Variants in GALNT18 observed in about 807,000 individuals in gnomAD.
GALNT18 encodes the protein polypeptide N-acetylgalactosaminyltransferase 18.
GALNT18 carries 44 observed loss-of-function variants against 69.5 expected under a neutral mutation model. The observed-to-expected ratio is 0.63, with a 90% confidence interval of 0.50 to 0.81. GALNT18 has a LOEUF of 0.81. Among genes scored for constraint, GALNT18 ranks in the 40% least tolerant of loss-of-function variants. The pLI is 0.00. For synonymous variants in GALNT18, 364 were observed against 318.2 expected, an observed-to-expected ratio of 1.14 and a Z score of -1.53; for missense variants, 715 against 810.0, an observed-to-expected ratio of 0.88 and a Z score of 1.42.
rs1590109792 is a variant in GALNT18, at chr11:11,573,229, T to A, written c.235+48130A>T. ...GGCCTTGACTCATACTTGACATGGA[T>A]GTCCCAGAGATTCCCTACACACAGC... On this transcript the variant is annotated intron_variant, in intron 1 of 10. Coordinates refer to ENST00000227756, the MANE Select transcript of GALNT18 (RefSeq NM_198516.3). This position sits in a 1 kb window ranked among gnomAD's most constrained non-coding sequence, Gnocchi z 4.6. 6.6e-6 allele frequency among the ~76,000 whole-genome samples: 1 copy of A among 152,262 alleles called. No individual in the cohort carries two copies. The highest frequency in any genetic ancestry group is 2.1e-4 in the South Asian group (1 of 4,818).
At chr11:11,594,978 CAT>C (rs1491489362) in intron 1 of GALNT18, among the ~76,000 whole-genome samples, 6 of 120,376 alleles carry the variant, frequency 5.0e-5, no homozygotes, top group South Asian at 2.8e-4. Flanking sequence ...ACAAAATATA[CAT>C]ATGTGTGTGT....
At chr11:11,446,292 A>C (rs1353013601) in intron 2 of GALNT18, among the ~76,000 whole-genome samples, 1 of 152,212 alleles carries the variant, frequency 6.6e-6, no homozygotes, top group Non-Finnish European at 1.5e-5. Flanking sequence ...TTGTTGTTAT[A>C]ACCAGGTTAT....
chr11:11,274,172 C>T (rs538672065), intron 10 of GALNT18, among the ~76,000 whole-genome samples: 58 of 152,314 alleles, frequency 3.8e-4, no homozygotes, highest in Non-Finnish European at 6.6e-4. Context: ...GTGCTTTTCC[C>T]ACGGTCTTTG....
chr11:11,486,862 T>C (rs1856656564), intron 1 of GALNT18, among the ~76,000 whole-genome samples: 1 of 152,108 alleles, frequency 6.6e-6, no homozygotes, highest in Non-Finnish European at 1.5e-5. Context: ...AAAGCCCAAA[T>C]GTAAAGGGAG....
In GALNT18 at chr11:11,480,215, T is replaced by C. The variant is rs1276786536; in HGVS notation, c.236-31279A>G. ...CCACAAAATAAACTAAAAGAAGGGGTCAATCTTTCTTTATTTCTTTCTTTC... is the reference window on the plus strand; with the variant it reads ...CCACAAAATAAACTAAAAGAAGGGGCCAATCTTTCTTTATTTCTTTCTTTC... On this transcript the variant is annotated intron_variant, in intron 1 of 10. Coordinates refer to ENST00000227756, the MANE Select transcript of GALNT18 (RefSeq NM_198516.3). This position sits in a 1 kb window ranked among gnomAD's most constrained non-coding sequence, Gnocchi z 4.6. Among the ~76,000 whole-genome samples, 2 of 151,084 alleles carry C rather than the reference T, an allele frequency of 1.3e-5. No individual in the cohort carries two copies. Among genetic ancestry groups the C allele is most frequent in the Non-Finnish European group, 2.9e-5 (2 of 67,810 alleles).
At chr11:11,418,257 C>T (rs1854912408) in intron 3 of GALNT18, among the ~76,000 whole-genome samples, 1 of 152,180 alleles carries the variant, frequency 6.6e-6, no homozygotes, top group Non-Finnish European at 1.5e-5. Context: ...AAGAAGTTGT[C>T]TCTATTTAGG....
rs1051006971 is a variant in GALNT18 at position 11,318,824 on chromosome 11, G to A, written c.1512+8262C>T. ...TTTAATATTATCCTGGGACATTAAC[G>A]GGCCCATCCAAGAGTATGTAATTTT... On this transcript the variant is annotated intron_variant, in intron 9 of 10. Coordinates refer to ENST00000227756, the MANE Select transcript of GALNT18 (RefSeq NM_198516.3). This position sits in a 1 kb window ranked among gnomAD's most constrained non-coding sequence, Gnocchi z 5.1. 8.5e-5 allele frequency among the ~76,000 whole-genome samples: 13 copies of A among 152,130 alleles called. No individual in the cohort carries two copies. Among genetic ancestry groups the A allele is most frequent in the African/African-American group, 2.9e-4 (12 of 41,432 alleles).
chr11:11,585,419 G>A (rs1859190752), intron 1 of GALNT18, among the ~76,000 whole-genome samples: 1 of 149,026 alleles, frequency 6.7e-6, no homozygotes, highest in Non-Finnish European at 1.5e-5. Flanking sequence ...ACAATGGCGT[G>A]ATCTTGGCTC....
chr11:11,544,849 G>C (rs1858010867), intron 1 of GALNT18, among the ~76,000 whole-genome samples: 1 of 152,172 alleles, frequency 6.6e-6, no homozygotes, highest in Admixed American at 6.5e-5. Context: ...CTATTACTTT[G>C]CTCAGATGAG....
At position 11,377,663 on chromosome 11, in the gene GALNT18, T is replaced by G. The variant is rs1853801790; in HGVS notation, c.780-284A>C. Among the ~76,000 whole-genome samples, 1 of 80,176 alleles carries G rather than the reference T, an allele frequency of 1.2e-5. No homozygotes were observed. The highest frequency in any genetic ancestry group is 3.0e-5 in the Non-Finnish European group (1 of 33,214). The allele number at this position is 80,176 out of a possible 152,430, so 52.6% of individuals were successfully genotyped here. A position where few individuals can be genotyped will look rare whatever the true frequency, so the allele number is the denominator to read the frequency against. On this transcript the variant is annotated intron_variant, in intron 4 of 10. Transcript: ENST00000227756. The surrounding 1 kb of genome is among the most constrained non-coding windows in gnomAD (Gnocchi z 4.6). ...CTTGTGCCTGCTCGCTTTCCCTTTCTCCATTAGAAAAAAAAAAAATCAAGA... is the reference window on the plus strand; with the variant it reads ...CTTGTGCCTGCTCGCTTTCCCTTTCGCCATTAGAAAAAAAAAAAATCAAGA...
rs1480614064 is a variant in GALNT18, at chr11:11,463,223, C to T, written c.236-14287G>A. ...ACAGACAGACAGACACACACACACA[C>T]ACAGAGAGAGAGAGAGAGAGTTCCA... is the stretch of plus-strand genomic sequence containing the variant. On this transcript the variant is annotated intron_variant, in intron 1 of 10. Transcript: ENST00000227756. The surrounding 1 kb of genome is among the most constrained non-coding windows in gnomAD (Gnocchi z 4.2). 6.6e-6 allele frequency among the ~76,000 whole-genome samples: 1 copy of T among 151,006 alleles called. No homozygotes were observed. Among genetic ancestry groups the T allele is most frequent in the Non-Finnish European group, 1.5e-5 (1 of 67,696 alleles).
At chr11:11,609,261 C>T (rs932265615) in intron 1 of GALNT18, among the ~76,000 whole-genome samples, 4 of 152,182 alleles carry the variant, frequency 2.6e-5, no homozygotes, top group African/African-American at 9.7e-5. Flanking sequence ...CCAACCCGCC[C>T]CTCTCTGGCT....
chr11:11,362,466 A>T (rs1589938452), intron 6 of GALNT18, among the ~76,000 whole-genome samples: 1 of 152,312 alleles, frequency 6.6e-6, no homozygotes, highest in East Asian at 1.9e-4. Flanking sequence ...ACCATCTCTA[A>T]TGTGTAAAGA....
chr11:11,396,863 C>G lies in GALNT18; in HGVS notation c.596-17599G>C, dbSNP rs968130984. On this transcript the variant is annotated intron_variant, in intron 3 of 10. Coordinates refer to ENST00000227756, the MANE Select transcript of GALNT18 (RefSeq NM_198516.3). This position sits in a 1 kb window ranked among gnomAD's most constrained non-coding sequence, Gnocchi z 5.2. ...GGCTGCCAAAGGAAAGGCTTTCATT[C>G]CAGTCAAAGCAGGGTGCTGGACAAC... is the stretch of plus-strand genomic sequence containing the variant. 6.6e-6 allele frequency among the ~76,000 whole-genome samples: 1 copy of G among 152,082 alleles called. No individual in the cohort carries two copies. The highest frequency in any genetic ancestry group is 2.4e-5 in the African/African-American group (1 of 41,398).
rs1398964042 is a variant in GALNT18 at position 11,377,628 on chromosome 11, T to C, written c.780-249A>G. 6.6e-6 allele frequency among the ~76,000 whole-genome samples: 1 copy of C among 150,922 alleles called. No individual in the cohort carries two copies. Among genetic ancestry groups the C allele is most frequent in the African/African-American group, 2.4e-5 (1 of 40,904 alleles). ...CAGAGCTGAGCTGAGAGATTCTTAT[T>C]CCAGCCAACCTTGTGCCTGCTCGCT... On this transcript the variant is annotated intron_variant, in intron 4 of 10. Transcript: ENST00000227756. This position sits in a 1 kb window ranked among gnomAD's most constrained non-coding sequence, Gnocchi z 4.6.
chr11:11,283,478 C>G (rs887920776), intron 10 of GALNT18, among the ~76,000 whole-genome samples: 3 of 149,978 alleles, frequency 2.0e-5, no homozygotes, highest in Non-Finnish European at 2.9e-5. Flanking sequence ...CAGAATCTGA[C>G]TGACAGGCTA....
intron 1 of GALNT18, among the ~76,000 whole-genome samples, chr11:11,525,473 C>T (rs1857497820): frequency 6.6e-6 from 1 of 151,890 alleles, no homozygotes; most frequent in Non-Finnish European, 1.5e-5. Flanking sequence ...ATCGGTAAGA[C>T]TTGATTGGAT....
intron 3 of GALNT18, among the ~76,000 whole-genome samples, chr11:11,400,270 C>G (rs1015254698): frequency 6.6e-6 from 1 of 152,200 alleles, no homozygotes; most frequent in Admixed American, 6.5e-5. Context: ...CTAAGACACT[C>G]CTGGATTCCT....
At position 11,338,136 on chromosome 11, in the gene GALNT18, T is replaced by C. The variant is rs556789906; in HGVS notation, c.1278+2683A>G. Among the ~76,000 whole-genome samples, 39 of 151,928 alleles carry C rather than the reference T, an allele frequency of 2.6e-4. No homozygotes were observed. Among genetic ancestry groups the C allele is most frequent in the African/African-American group, 9.4e-4 (39 of 41,416 alleles). On this transcript the variant is annotated intron_variant, in intron 7 of 10. Coordinates refer to ENST00000227756, the MANE Select transcript of GALNT18 (RefSeq NM_198516.3). The surrounding 1 kb of genome is among the most constrained non-coding windows in gnomAD (Gnocchi z 5.3). ...GCATGTGCCACCAAGCCTGGCTAAT[T>C]TTTGTATTTTTAGTAGAGATGGGGT...
Sources: allele counts gnomAD v4.1 joint callset (sites outside exome capture counted in the v4.1 genomes callset), GRCh38; gene constraint gnomAD v4.1.1; non-coding constraint Gnocchi (gnomAD v3.1); transcripts MANE v1.5; gene names NCBI Gene and HGNC (gene_info 2026-07-23, HGNC 2026-07-21).